The following COL6A5 variants were observed in gnomAD, a reference collection of about 807,000 sequenced individuals.
COL6A5 encodes the protein collagen type VI alpha 5 chain.
In COL6A5, 48 loss-of-function variants were observed where a neutral mutation model predicts 65.6. The observed-to-expected ratio is 0.73, with a 90% CI of 0.58 to 0.93. COL6A5 has a LOEUF of 0.93. Among genes scored for constraint, COL6A5 ranks in the 40% least tolerant of loss-of-function variants. The pLI is 0.00. For missense variants in COL6A5, 914 were observed against 928.3 expected, an observed-to-expected ratio of 0.98 and a Z score of 0.20; for synonymous variants, 291 against 322.8, an observed-to-expected ratio of 0.90 and a Z score of 1.05.
chr3:130,484,567 G>A (rs1238083095), exon 8 of COL6A5: 6 of 398,816 alleles, frequency 1.5e-5, no homozygotes, highest in Non-Finnish European at 2.7e-5. Flanking sequence ...CCACCTGTCA[G>A]GCTGCTATGA....
intron 30 of COL6A5, 45 bp downstream of exon 30, chr3:130,426,294 G>T (rs541125538): frequency 4.5e-6 from 7 of 1,550,358 alleles, no homozygotes; most frequent in African/African-American, 4.1e-5. Context: ...TAAGTTCACT[G>T]GGAAATAAAC....
chr3:130,456,081 G>A (rs990428779), intron 5 of COL6A5, among the ~76,000 whole-genome samples: 2 of 152,022 alleles, frequency 1.3e-5, no homozygotes, highest in Non-Finnish European at 2.9e-5. Flanking sequence ...CGCAACCTCC[G>A]CCACCCGGGT....
chr3:130,479,059 C>T (rs1170418052), intron 7 of COL6A5, among the ~76,000 whole-genome samples: 1 of 151,794 alleles, frequency 6.6e-6, no homozygotes, highest in East Asian at 1.9e-4. Flanking sequence ...TTTGTGTTCC[C>T]CCAAAGTTAG....
rs76569392 is a variant in COL6A5 at position 130,414,517 on chromosome 3, A to C, written c.4761+386A>C. Among the ~76,000 whole-genome samples the C allele has an allele frequency of 5.3e-3, 805 of 152,262 alleles. 10 individuals carry two copies. The highest frequency in any genetic ancestry group is 0.018 in the African/African-American group (769 of 41,568). ...GTTGAAAGTTGGAAACTGCTACTCG[A>C]CTTGCTTAAAGCTAACTCTACAGGG... On this transcript the variant is annotated intron_variant and NMD_transcript_variant, in intron 22 of 41. Coordinates refer to the COL6A5 transcript ENST00000312481.
At chr3:130,367,699 GATAA>G (rs1265358235) in intron 1 of COL6A5, among the ~76,000 whole-genome samples, 1 of 152,168 alleles carries the variant, frequency 6.6e-6, no homozygotes, top group Non-Finnish European at 1.5e-5. Context: ...TTGTTGAATG[GATAA>G]ATAATCTCTC....
intron 3 of COL6A5, among the ~76,000 whole-genome samples, chr3:130,378,399 C>G (rs372710076): frequency 1.3e-5 from 2 of 152,286 alleles, no homozygotes; most frequent in Admixed American, 6.5e-5. Context: ...TGTTCTACCT[C>G]TAAGTCATGT....
intron 12 of COL6A5, among the ~76,000 whole-genome samples, chr3:130,402,469 C>T (rs567125979): frequency 6.6e-6 from 1 of 152,194 alleles, no homozygotes; most frequent in African/African-American, 2.4e-5. Flanking sequence ...CAGCTACACA[C>T]AACAACATGA....
In COL6A5 at chr3:130,345,877, C is replaced by T. The variant is rs116372003; in HGVS notation, c.-133C>T. ...TCTATCCAACTGCGCCGCGGGCGCC[C>T]GAGAGGCGCGCGTTTACTGCGCTCA... On this transcript the variant is annotated 5_prime_UTR_variant and NMD_transcript_variant, in exon 1 of 42. Transcript: ENST00000312481. 6.0e-3 allele frequency: 2,411 copies of T among 398,540 alleles called. 59 individuals are homozygous for T. Among genetic ancestry groups the T allele is most frequent in the African/African-American group, 0.044 (2,157 of 48,724 alleles). 24.7% of individuals were successfully genotyped at this position (398,540 alleles called of 1,614,324 possible).
At chr3:130,432,823 C>T (rs1234567067) in intron 1 of COL6A5, among the ~76,000 whole-genome samples, 1 of 152,126 alleles carries the variant, frequency 6.6e-6, no homozygotes, top group Non-Finnish European at 1.5e-5. Flanking sequence ...TGTATATGAA[C>T]ATTTTTCCCA....
chr3:130,410,366 G>A, intron 19 of COL6A5, 105 bp from the exon 20 acceptor site: 1 of 818,264 alleles, frequency 1.2e-6, no homozygotes, highest in Admixed American at 2.3e-5. Flanking sequence ...AGCATGACAT[G>A]TTTATTCTGC....
At chr3:130,420,975 A>T (rs1372831351) in intron 25 of COL6A5, among the ~76,000 whole-genome samples, 178 bp from the exon 26 acceptor site, 1 of 152,096 alleles carries the variant, frequency 6.6e-6, no homozygotes, top group Non-Finnish European at 1.5e-5. Context: ...TACAGGGAAC[A>T]TATCAGGGAG....
intron 4 of COL6A5, among the ~76,000 whole-genome samples, chr3:130,452,165 T>C (rs1709458458): frequency 6.6e-6 from 1 of 152,114 alleles, no homozygotes; most frequent in Non-Finnish European, 1.5e-5. Context: ...ACCCAGACCA[T>C]ACACAGACTA....
chr3:130,373,961 C>T (rs1935664151), intron 2 of COL6A5, among the ~76,000 whole-genome samples: 1 of 152,136 alleles, frequency 6.6e-6, no homozygotes, highest in African/African-American at 2.4e-5. Flanking sequence ...TTACATGTCT[C>T]CATGGATTGA....
At chr3:130,370,379 T>C (rs985895913) in intron 1 of COL6A5, among the ~76,000 whole-genome samples, 3 of 152,170 alleles carry the variant, frequency 2.0e-5, no homozygotes, top group African/African-American at 7.2e-5. Context: ...CCAAGAGTCA[T>C]AGAAAGAGTG....
At chr3:130,421,261 A>C (rs1159740545) in intron 26 of COL6A5, 58 bp downstream of exon 26, 1 of 1,547,350 alleles carries the variant, frequency 6.5e-7, no homozygotes, top group Non-Finnish European at 8.7e-7. Flanking sequence ...ATAATACAAG[A>C]AGAAATGTTC....
exon 1 of COL6A5, chr3:130,431,659 C>A (rs199785094): frequency 1.3e-6 from 2 of 1,551,456 alleles, no homozygotes; most frequent in South Asian, 1.2e-5. Context: ...CTATCTCATC[C>A]GCTGGTCTGA....
intron 7 of COL6A5, chr3:130,471,776 A>C: frequency 1.3e-6 from 2 of 1,534,848 alleles, no homozygotes; most frequent in Non-Finnish European, 1.7e-6. Flanking sequence ...ATTAGGGAAC[A>C]ATCATAGTAG....
chr3:130,350,560 A>G (rs1265135980), intron 1 of COL6A5, among the ~76,000 whole-genome samples: 1 of 152,190 alleles, frequency 6.6e-6, no homozygotes, highest in Non-Finnish European at 1.5e-5. Flanking sequence ...CCCATTCACA[A>G]TTTCTTCAAA....
exon 4 of COL6A5, chr3:130,379,767 T>C (rs1935926285): frequency 1.9e-6 from 3 of 1,551,348 alleles, no homozygotes; most frequent in Non-Finnish European, 2.6e-6. Flanking sequence ...AAGGAGTGCC[T>C]CAGATTGCAG....
Sources: gnomAD v4.1 joint callset for allele counts (sites outside exome capture counted in the v4.1 genomes callset) on GRCh38, gnomAD v4.1.1 for gene constraint, MANE v1.5 for transcripts, NCBI Gene and HGNC (gene_info 2026-07-23, HGNC 2026-07-21) for gene names.